MYO1C: variants seen among roughly 807,000 people sequenced by gnomAD.
MYO1C encodes the protein myosin IC, also known as unconventional myosin-Ic.
MYO1C carries 104 observed loss-of-function variants against 150.8 expected under a neutral mutation model. The observed-to-expected ratio is 0.69, with a 90% confidence interval of 0.59 to 0.81. The LOEUF is 0.81. MYO1C is among the 30% of genes least tolerant of loss of function. The pLI is 0.00. For synonymous variants in MYO1C, 663 were observed against 579.9 expected (o/e 1.14, Z -2.06); for missense variants, 1,504 against 1,435.0 (o/e 1.05, Z -0.78).
intron 22 of MYO1C, 37 bp downstream of exon 22, chr17:1,470,584 G>A: frequency 1.4e-6 from 2 of 1,452,208 alleles, no homozygotes; most frequent in Non-Finnish European, 1.9e-6. Context: ...CCTGGCCCCA[G>A]ACCCCGCCCC....
chr17:1,484,390 C>G, intron 1 of MYO1C, 87 bp from the exon 2 acceptor site: 1 of 1,521,092 alleles, frequency 6.6e-7, no homozygotes, highest in Non-Finnish European at 8.9e-7. Context: ...TGAGAGGGAA[C>G]GTAGGGGCTT....
chr17:1,490,839 G>GAA (rs2074721346), intron 1 of MYO1C: 2 of 124,730 alleles, frequency 1.6e-5, no homozygotes, highest in African/African-American at 6.1e-5. Flanking sequence ...CCTCCCCCCA[G>GAA]GAGGGGGCCT....
At chr17:1,484,477 GGCCGGGTGCGGAAA>G (rs1260222580) in intron 1 of MYO1C, 174 bp from the exon 2 acceptor site, 3 of 738,156 alleles carry the variant, frequency 4.1e-6, no homozygotes, top group Admixed American at 2.4e-5. Flanking sequence ...GGGTGTGGTG[GGCCGGGTGCGGAAA>G]GCCGGGTGTG....
At position 1,464,874 on chromosome 17, in the gene MYO1C, G is replaced by A. The variant is rs549335507; in HGVS notation, c.*852C>T. On this transcript the variant is annotated 3_prime_UTR_variant, in exon 32 of 32. Transcript: ENST00000648651. The stretch of plus-strand genomic sequence containing the variant: ...GTTGCCCAGGCTGGAGTGCAGTGGT[G>A]TACTCTTGGCTCACTGCAACCTCCA... 1.8e-3 allele frequency: 269 copies of A among 151,704 alleles called. No homozygotes were observed. The highest frequency in any genetic ancestry group is 3.4e-3 in the Non-Finnish European group (231 of 68,308). The allele number at this position is 151,704 out of a possible 1,614,324, so 9.4% of individuals were successfully genotyped here.
At chr17:1,469,302 GGTGGGGTAA>G in intron 25 of MYO1C, 1 of 576,624 alleles carries the variant, frequency 1.7e-6, no homozygotes, top group Non-Finnish European at 3.2e-6. Context: ...AAATACGGTA[GGTGGGGTAA>G]ATACAGTAGA....
At chr17:1,477,441 C>T in intron 14 of MYO1C, 64 bp downstream of exon 14, 1 of 1,457,150 alleles carries the variant, frequency 6.9e-7, no homozygotes, top group Non-Finnish European at 9.6e-7. Flanking sequence ...GGAGGGACTC[C>T]TGCACTCCGC....
intron 17 of MYO1C, among the ~76,000 whole-genome samples, chr17:1,473,823 T>C (rs911430827): frequency 1.9e-4 from 29 of 152,076 alleles, no homozygotes; most frequent in African/African-American, 6.8e-4. Context: ...CAATGCTTCC[T>C]CCTCCAGGGA....
Position 1,478,044 on chromosome 17 carries a change from G to T in MYO1C, c.1401+43C>A. On this transcript the variant is annotated intron_variant, in intron 12 of 31. Coordinates refer to ENST00000648651, the MANE Select transcript of MYO1C (RefSeq NM_001080779.2). The surrounding 1 kb of genome is among the most constrained non-coding windows in gnomAD (Gnocchi z 6.3). ...CTCTCCCAGGGGCCCCGATACCCAG[G>T]CTCCCCGTGGCCCACGGAGAGTGCC... is the stretch of plus-strand genomic sequence containing the variant. 2 of 1,611,426 alleles carry T rather than the reference G, an allele frequency of 1.2e-6. No individual in the cohort carries two copies. Among genetic ancestry groups the T allele is most frequent in the Non-Finnish European group, 1.7e-6 (2 of 1,177,622 alleles).
rs1024746907 is a variant in MYO1C, at chr17:1,491,704, G to A, written c.75+709C>T. ...CCCCGCCCAGGGCCCGCCGGGGGCC[G>A]GGCCGCAGCCTGTCGTCATCCCGGG... On this transcript the variant is annotated intron_variant, in intron 1 of 31. Coordinates refer to ENST00000648651, the MANE Select transcript of MYO1C (RefSeq NM_001080779.2). 74 of 959,696 alleles carry A rather than the reference G, an allele frequency of 7.7e-5. 1 individual carries two copies. In the African/African-American group the frequency reaches 1.2e-3, roughly 16 times the overall value. The allele number at this position is 959,696 out of a possible 1,614,324, so 59.4% of individuals were successfully genotyped here. A position where few individuals can be genotyped will look rare whatever the true frequency, so the allele number is the denominator to read the frequency against.
chr17:1,489,604 C>G (rs2074706629), intron 1 of MYO1C, among the ~76,000 whole-genome samples: 1 of 152,138 alleles, frequency 6.6e-6, no homozygotes, highest in South Asian at 2.1e-4. Flanking sequence ...TGCTTGAGCC[C>G]AAGAGGTTGA....
chr17:1,485,556 C>T (rs1246674718), intron 1 of MYO1C: 2 of 661,024 alleles, frequency 3.0e-6, no homozygotes, highest in African/African-American at 2.0e-5. Context: ...TCGGCCTCCT[C>T]CCCCTGCAAC....
intron 5 of MYO1C, chr17:1,481,165 C>T: frequency 6.3e-6 from 3 of 473,462 alleles, no homozygotes; most frequent in Non-Finnish European, 1.2e-5. Context: ...GGACCTTCTC[C>T]CTCTTCAAAC....
chr17:1,483,031 C>T lies in MYO1C; in HGVS notation c.376G>A (p.Ala126Thr), dbSNP rs752460480. 6.2e-7 allele frequency: 1 copy of T among 1,611,158 alleles called. No individual in the cohort carries two copies. The highest frequency in any genetic ancestry group is 2.2e-5 in the East Asian group (1 of 44,828). ...TGGTCCCGACGCTCCGTGCGCAGTG[C>T]TCGGTACACAGTGTCCGCCACGGCA... is the stretch of plus-strand genomic sequence containing the variant. ...LFAVADTVYR[A>T]LRTERRDQAV... Residue 126 changes from alanine to threonine, a missense_variant, in exon 4 of 32, where the codon GCA (alanine) becomes ACA (threonine). Physicochemically the swap from Ala to Thr is moderately conservative, Grantham distance 58. Transcript: ENST00000648651.
chr17:1,485,332 T>TCTGAC (rs1433169425), intron 1 of MYO1C: 2 of 676,546 alleles, frequency 3.0e-6, no homozygotes, highest in East Asian at 2.3e-4. Flanking sequence ...GCCGGTGTCC[T>TCTGAC]CTGACCACGA....
rs45456691 is a variant in MYO1C, at chr17:1,478,227, T to G, written c.1296-35A>C. 6.2e-7 allele frequency: 1 copy of G among 1,601,282 alleles called. No homozygotes were observed. The highest frequency in any genetic ancestry group is 2.2e-5 in the East Asian group (1 of 44,796). Reference sequence around the variant, plus strand: ...AGGAGAAGAGCCCACAGTGGCTCAGTGGGGACACAGGACCAGGAGAGGGGA... The same window carrying G: ...AGGAGAAGAGCCCACAGTGGCTCAGGGGGGACACAGGACCAGGAGAGGGGA... On this transcript the variant is annotated intron_variant, in intron 11 of 31. Coordinates refer to ENST00000648651, the MANE Select transcript of MYO1C (RefSeq NM_001080779.2). The surrounding 1 kb of genome is among the most constrained non-coding windows in gnomAD (Gnocchi z 6.3).
intron 1 of MYO1C, chr17:1,484,770 G>A: frequency 2.7e-6 from 1 of 367,452 alleles, no homozygotes; most frequent in East Asian, 7.3e-5. Context: ...AGTTGAGTTA[G>A]ACCAGGTGAC....
intron 1 of MYO1C, among the ~76,000 whole-genome samples, chr17:1,488,361 G>T (rs2074692057): frequency 6.6e-6 from 1 of 152,220 alleles, no homozygotes; most frequent in African/African-American, 2.4e-5. Context: ...CCCCCGGCCT[G>T]CCCCTCCTCA....
chr17:1,471,448 A>G (rs903591579), intron 19 of MYO1C, 112 bp from the exon 20 acceptor site: 21 of 839,562 alleles, frequency 2.5e-5, no homozygotes, highest in Non-Finnish European at 6.0e-6. Context: ...GTTCACAGCT[A>G]GCAGGAGGCT....
rs546077306 is a variant in MYO1C, at chr17:1,467,915, G to A, written c.2897-5C>T. 1 of 1,612,418 alleles carries A rather than the reference G, an allele frequency of 6.2e-7. No individual in the cohort carries two copies. Among genetic ancestry groups the A allele is most frequent in the Non-Finnish European group, 8.5e-7 (1 of 1,179,774 alleles). On this transcript the variant is annotated splice_polypyrimidine_tract_variant and splice_region_variant and intron_variant, in intron 28 of 31. Coordinates refer to ENST00000648651, the MANE Select transcript of MYO1C (RefSeq NM_001080779.2). ...TCAGGCTGCTGACAGAGATTCCTGA[G>A]GGGAGAGGGCAAAGGTCAGAGGTCG...
Sources: gnomAD v4.1 joint callset for allele counts (sites outside exome capture counted in the v4.1 genomes callset) on GRCh38, gnomAD v4.1.1 for gene constraint, Gnocchi (gnomAD v3.1) non-coding constraint, MANE v1.5 for transcripts, NCBI Gene and HGNC (gene_info 2026-07-23, HGNC 2026-07-21) for gene names.